The following PLEKHA5 variants were observed in gnomAD, a reference collection of about 807,000 sequenced individuals.
The protein encoded by PLEKHA5 is pleckstrin homology domain containing A5, also known as pleckstrin homology domain-containing family A member 5.
A neutral mutation model predicts 181.9 loss-of-function variants in PLEKHA5; 55 were observed. The observed-to-expected ratio is 0.30, with a 90% CI of 0.24 to 0.38. The LOEUF (loss-of-function observed/expected upper bound fraction) is 0.38, where lower values mean the gene tolerates loss of function less well. Ranked by LOEUF, PLEKHA5 falls within the 10% of genes least tolerant of loss-of-function variation. The pLI, the probability that PLEKHA5 is intolerant of heterozygous loss-of-function variation, is 1.00. For synonymous variants in PLEKHA5, 535 were observed against 529.4 expected (o/e 1.01, Z -0.15); for missense variants, 1,432 against 1,549.5 (o/e 0.92, Z 1.27).
chr12:19,216,650 G>A (rs573034918), intron 3 of PLEKHA5, among the ~76,000 whole-genome samples: 2 of 147,996 alleles, frequency 1.4e-5, no homozygotes, highest in South Asian at 2.1e-4. Flanking sequence ...GTGACAGAGC[G>A]AGAATCCATC....
At chr12:19,138,572 CAAA>C (rs61416754) in intron 3 of PLEKHA5, among the ~76,000 whole-genome samples, 3 of 85,736 alleles carry the variant, frequency 3.5e-5, no homozygotes, top group Admixed American at 2.6e-4. Context: ...GACTCTGTCT[CAAA>C]AAAAAAAAAA....
In PLEKHA5 at chr12:19,300,575, C is replaced by G. The variant is rs1157810331; in HGVS notation, c.2037+8878C>G. 2.0e-5 allele frequency among the ~76,000 whole-genome samples: 3 copies of G among 152,134 alleles called. No homozygotes were observed. In the East Asian group the frequency reaches 5.8e-4, roughly 29 times the overall value. On this transcript the variant is annotated intron_variant, in intron 15 of 31. Transcript: ENST00000429027. The stretch of plus-strand genomic sequence containing the variant: ...ATTCATTCTGCAAAGATTTATGGAA[C>G]TCAGGATGCAAAGATAAGCCATGAT...
At chr12:19,335,633 G>A (rs1001320611) in intron 20 of PLEKHA5, among the ~76,000 whole-genome samples, 20 of 130,756 alleles carry the variant, frequency 1.5e-4, no homozygotes, top group African/African-American at 4.4e-4. Context: ...GTTTGGTTAC[G>A]TTGGTCAGGT....
At chr12:19,230,413 GGTGCTCGTCGGGGAGGCTTGGGCC>G (rs2060335029) in intron 3 of PLEKHA5, among the ~76,000 whole-genome samples, 1 of 152,154 alleles carries the variant, frequency 6.6e-6, no homozygotes, top group African/African-American at 2.4e-5. Context: ...GAGCGGGGGC[GGTGCTCGTCGGGGAGGCTTGGGCC>G]GTGCAGGAAC....
chr12:19,149,121 C>T (rs997979998), intron 3 of PLEKHA5, among the ~76,000 whole-genome samples: 1 of 152,026 alleles, frequency 6.6e-6, no homozygotes, highest in African/African-American at 2.4e-5. Context: ...GGTTTCAGTT[C>T]CTCAAAAACA....
chr12:19,257,639 G>T (rs947367510), intron 6 of PLEKHA5, 102 bp downstream of exon 6: 4 of 682,356 alleles, frequency 5.9e-6, no homozygotes, highest in African/African-American at 5.7e-5. Context: ...AATTAAGAAG[G>T]AACTATGGAG....
At chr12:19,277,161 A>C in intron 11 of PLEKHA5, among the ~76,000 whole-genome samples, 1 of 152,206 alleles carries the variant, frequency 6.6e-6, no homozygotes, top group East Asian at 1.9e-4. Context: ...CTGGGGGGAA[A>C]AAAATGAAAG....
intron 3 of PLEKHA5, among the ~76,000 whole-genome samples, chr12:19,240,653 T>A (rs997033042): frequency 6.6e-6 from 1 of 150,716 alleles, no homozygotes; most frequent in African/African-American, 2.4e-5. Context: ...TATTTTTTTT[T>A]AAGAGACAGG....
intron 3 of PLEKHA5, among the ~76,000 whole-genome samples, chr12:19,244,737 C>T (rs951115051): frequency 6.6e-6 from 1 of 152,112 alleles, no homozygotes; most frequent in Non-Finnish European, 1.5e-5. Context: ...ATATATTACT[C>T]GTTTTGCGCA....
intron 11 of PLEKHA5, among the ~76,000 whole-genome samples, chr12:19,277,455 G>A (rs2074909045): frequency 6.6e-6 from 1 of 152,108 alleles, no homozygotes; most frequent in South Asian, 2.1e-4. Context: ...CTTCCTTTTG[G>A]ACATACACCA....
At chr12:19,316,644 C>A (rs2153012899) in intron 16 of PLEKHA5, among the ~76,000 whole-genome samples, 1 of 152,276 alleles carries the variant, frequency 6.6e-6, no homozygotes, top group East Asian at 1.9e-4. Flanking sequence ...TGTTAACTCT[C>A]AGTGCTGTTA....
At position 19,150,003 on chromosome 12, in the gene PLEKHA5, A is replaced by G. The variant is rs113734479; in HGVS notation, c.227+17553A>G. On this transcript the variant is annotated intron_variant, in intron 3 of 31. Transcript: ENST00000429027. ...TTGTAGATACAAGGAGAGGTGGAAG[A>G]TGGAGGCATTTTTGTAATCCATGTA... The G allele has an allele frequency of 2.9e-3, 436 of 152,318 alleles. 5 individuals carry two copies. Among genetic ancestry groups the G allele is most frequent in the African/African-American group, 1.0e-2 (414 of 41,570 alleles). 9.4% of individuals were successfully genotyped at this position (152,318 alleles called of 1,614,324 possible).
intron 15 of PLEKHA5, among the ~76,000 whole-genome samples, chr12:19,305,434 G>A (rs151067531): frequency 1.3e-5 from 2 of 151,698 alleles, no homozygotes; most frequent in African/African-American, 2.4e-5. Flanking sequence ...GGTGATGAGC[G>A]CCTGTAATCC....
intron 3 of PLEKHA5, among the ~76,000 whole-genome samples, chr12:19,155,748 A>T (rs953319857): frequency 2.6e-5 from 4 of 152,224 alleles, no homozygotes; most frequent in African/African-American, 4.8e-5. Flanking sequence ...CATAATCCTC[A>T]TAATAAATCA....
Position 19,272,918 on chromosome 12 carries a change from T to G in PLEKHA5, c.846-1598T>G, listed in dbSNP as rs534276860. ...ATGTTCTATGCCTTCTTTGTTGTTCTTGTTTTGAGATGGAGTCTCGCTCTG... is the reference window on the plus strand; with the variant it reads ...ATGTTCTATGCCTTCTTTGTTGTTCGTGTTTTGAGATGGAGTCTCGCTCTG... On this transcript the variant is annotated intron_variant, in intron 10 of 31. Coordinates refer to ENST00000429027, the MANE Select transcript of PLEKHA5 (RefSeq NM_001256470.2). Among the ~76,000 whole-genome samples, 10 of 152,344 alleles carry G rather than the reference T, an allele frequency of 6.6e-5. No individual in the cohort carries two copies. The East Asian group carries it at 1.9e-3, about 29-fold the overall frequency.
At chr12:19,204,730 T>C (rs2055005152) in intron 3 of PLEKHA5, among the ~76,000 whole-genome samples, 1 of 152,144 alleles carries the variant, frequency 6.6e-6, no homozygotes, top group African/African-American at 2.4e-5. Context: ...ATCCTATCAC[T>C]GTAGTTTGAA....
intron 15 of PLEKHA5, among the ~76,000 whole-genome samples, chr12:19,304,302 G>A (rs976754280): frequency 4.6e-5 from 7 of 152,178 alleles, no homozygotes; most frequent in African/African-American, 1.7e-4. Context: ...CTACTCACGA[G>A]GCTGAGGCAA....
At chr12:19,343,292 TTA>T in intron 21 of PLEKHA5, 29 bp from the exon 22 acceptor site, 1 of 1,290,438 alleles carries the variant, frequency 7.7e-7, no homozygotes, top group South Asian at 1.4e-5. Context: ...ATTTTTTTTC[TTA>T]TATATGGTCT....
chr12:19,221,178 C>T (rs998619055), intron 3 of PLEKHA5, among the ~76,000 whole-genome samples: 21 of 152,234 alleles, frequency 1.4e-4, no homozygotes, highest in African/African-American at 5.1e-4. Context: ...CATGTCCACA[C>T]AAAAACCAGC....
Sources: gnomAD v4.1 joint callset for allele counts (sites outside exome capture counted in the v4.1 genomes callset) on GRCh38, gnomAD v4.1.1 for gene constraint, MANE v1.5 for transcripts, NCBI Gene and HGNC (gene_info 2026-07-23, HGNC 2026-07-21) for gene names.